VEGFC: variants seen among roughly 807,000 people sequenced by gnomAD.
VEGFC encodes the protein FLT4 ligand DHM.
A neutral mutation model predicts 46.1 loss-of-function variants in VEGFC; 12 were observed. The ratio of observed to expected loss-of-function variants is 0.26; its 90% CI spans 0.17 to 0.42. The LOEUF (loss-of-function observed/expected upper bound fraction) is 0.42, where lower values mean the gene tolerates loss of function less well. VEGFC is among the 10% of genes least tolerant of loss of function. The pLI, the probability that VEGFC is intolerant of heterozygous loss-of-function variation, is 1.00. For missense variants in VEGFC, 488 were observed against 529.4 expected, an observed-to-expected ratio of 0.92 and a Z score of 0.77; for synonymous variants, 232 against 195.5, an observed-to-expected ratio of 1.19 and a Z score of -1.56.
intron 1 of VEGFC, among the ~76,000 whole-genome samples, chr4:176,776,778 T>C (rs181653887): frequency 2.0e-5 from 3 of 152,332 alleles, no homozygotes; most frequent in Non-Finnish European, 4.4e-5. Context: ...ATTGTTAACA[T>C]TCATAAAGTT....
At chr4:176,740,396 TTATA>T (rs1216023071) in intron 1 of VEGFC, among the ~76,000 whole-genome samples, 1 of 118,158 alleles carries the variant, frequency 8.5e-6, no homozygotes, top group Non-Finnish European at 1.6e-5. Flanking sequence ...AACTATATAT[TTATA>T]TATAGTTATA....
chr4:176,740,065 A>C (rs1490630345), intron 1 of VEGFC, among the ~76,000 whole-genome samples: 1 of 118,744 alleles, frequency 8.4e-6, no homozygotes, highest in East Asian at 2.5e-4. Flanking sequence ...TAGAATATAT[A>C]TAACTATATA....
intron 1 of VEGFC, among the ~76,000 whole-genome samples, chr4:176,786,532 G>A (rs140208520): frequency 4.9e-4 from 75 of 152,244 alleles, no homozygotes; most frequent in African/African-American, 1.8e-3. Context: ...GCCAACAACT[G>A]GTGGTAACTC....
At chr4:176,749,056 C>T (rs694347) in intron 1 of VEGFC, among the ~76,000 whole-genome samples, 1,697 of 151,980 alleles carry the variant, frequency 0.011, 25 homozygotes, top group Middle Eastern at 0.099. Flanking sequence ...TAATCTCAAC[C>T]TAAACTTAGA....
intron 1 of VEGFC, among the ~76,000 whole-genome samples, chr4:176,732,018 C>G (rs1434143002): frequency 1.3e-5 from 2 of 151,620 alleles, no homozygotes; most frequent in Admixed American, 1.3e-4. Flanking sequence ...TATATTTATA[C>G]TCTTAGGCTG....
At chr4:176,789,634 T>C (rs2110959547) in intron 1 of VEGFC, among the ~76,000 whole-genome samples, 1 of 152,340 alleles carries the variant, frequency 6.6e-6, no homozygotes, top group South Asian at 2.1e-4. Context: ...TGCCTTACTT[T>C]TTTGACACTG....
chr4:176,689,775 A>G (rs1734115875), intron 4 of VEGFC: 1 of 152,228 alleles, frequency 6.6e-6, no homozygotes, highest in African/African-American at 2.4e-5. Flanking sequence ...TTTCTCATAC[A>G]GCATATACAC....
At chr4:176,705,513 T>G (rs1734518880) in intron 4 of VEGFC, among the ~76,000 whole-genome samples, 1 of 152,162 alleles carries the variant, frequency 6.6e-6, no homozygotes, top group Non-Finnish European at 1.5e-5. Flanking sequence ...GGGGAACACA[T>G]GGGTTTCAGA....
At chr4:176,744,537 G>T (rs183210710) in intron 1 of VEGFC, among the ~76,000 whole-genome samples, 31 of 152,058 alleles carry the variant, frequency 2.0e-4, no homozygotes, top group African/African-American at 7.0e-4. Flanking sequence ...GCCTGTTCCT[G>T]TATAGCCTTA....
chr4:176,742,335 G>A (rs770706638), intron 1 of VEGFC, among the ~76,000 whole-genome samples: 2 of 151,970 alleles, frequency 1.3e-5, no homozygotes, highest in Non-Finnish European at 2.9e-5. Flanking sequence ...GTCCCCCGCT[G>A]ATAGGAACTT....
intron 4 of VEGFC, among the ~76,000 whole-genome samples, chr4:176,706,687 A>T (rs1480677601): frequency 6.6e-6 from 1 of 151,598 alleles, no homozygotes; most frequent in Non-Finnish European, 1.5e-5. Flanking sequence ...TAAGCTACTT[A>T]AAAAATTGTA....
intron 4 of VEGFC, among the ~76,000 whole-genome samples, chr4:176,707,847 GT>G (rs2110995491): frequency 6.6e-6 from 1 of 152,252 alleles, no homozygotes; most frequent in African/African-American, 2.4e-5. Flanking sequence ...CATATACTGA[GT>G]GGTACCTATG....
At position 176,683,951 on chromosome 4, in the gene VEGFC, T is replaced by C. The variant is rs775320054; in HGVS notation, c.1235A>G (p.Tyr412Cys). 1 of 1,614,162 alleles carries C rather than the reference T, an allele frequency of 6.2e-7. No homozygotes were observed. The highest frequency in any genetic ancestry group is 1.1e-5 in the South Asian group (1 of 91,084). Residue 412 changes from tyrosine to cysteine, a missense_variant, in exon 7 of 7, where the codon TAT becomes TGT. By Grantham distance (194) the Tyr-to-Cys change is radical. Transcript: ENST00000618562. ...SEEVCRCVPS[Y>C]WKRPQMS ...TTAGCTCATTTGTGGTCTTTTCCAATATGAAGGGACACAACGACACACTTC... is the reference window on the plus strand; with the variant it reads ...TTAGCTCATTTGTGGTCTTTTCCAACATGAAGGGACACAACGACACACTTC...
intron 4 of VEGFC, among the ~76,000 whole-genome samples, chr4:176,705,457 A>T (rs1734516863): frequency 6.6e-6 from 1 of 152,228 alleles, no homozygotes; most frequent in Admixed American, 6.5e-5. Flanking sequence ...TGATATTGAG[A>T]CTTGAAAGTT....
intron 1 of VEGFC, among the ~76,000 whole-genome samples, chr4:176,788,025 T>C (rs1382957604): frequency 6.6e-6 from 1 of 152,170 alleles, no homozygotes; most frequent in African/African-American, 2.4e-5. Flanking sequence ...GGTGAAACAA[T>C]ATATGCTCAG....
In VEGFC at chr4:176,717,879, T is replaced by C. The variant is rs191700476; in HGVS notation, c.553-6229A>G. ...ATTTTGACTTAGCATTGCAACCACA[T>C]GGCCAGCTATAAAAGGCCTGTGGAA... On this transcript the variant is annotated intron_variant, in intron 3 of 6. Transcript: ENST00000618562. 3.9e-5 allele frequency among the ~76,000 whole-genome samples: 6 copies of C among 152,192 alleles called. No individual in the cohort carries two copies. In the East Asian group the frequency reaches 1.2e-3, roughly 29 times the overall value.
chr4:176,711,621 T>A lies in VEGFC; in HGVS notation c.582A>T (p.Gln194His), dbSNP rs1198705791. Residue 194 changes from glutamine (Q) to histidine (H), a missense_variant, in exon 4 of 7, where the codon CAA becomes CAT. Transcript: ENST00000618562. ...AACTGATTGTTACTGGTTTGGGGCC[T>A]TGAGAGAGAGGCACTGTAATTTCAA... ...TLFEITVPLS[Q>H]GPKPVTISFA... 1 of 1,613,544 alleles carries A rather than the reference T, an allele frequency of 6.2e-7. No homozygotes were observed. The highest frequency in any genetic ancestry group is 8.5e-7 in the Non-Finnish European group (1 of 1,179,668).
chr4:176,719,269 G>A (rs1485768), intron 3 of VEGFC, among the ~76,000 whole-genome samples: 109,783 of 152,124 alleles, frequency 0.72, 44,323 homozygotes, highest in East Asian at 0.94. Context: ...GCTACAAAAT[G>A]TGCCTGGAAC....
chr4:176,711,315 C>T (rs1734615661), intron 4 of VEGFC, among the ~76,000 whole-genome samples, 184 bp downstream of exon 4: 1 of 152,102 alleles, frequency 6.6e-6, no homozygotes, highest in Admixed American at 6.6e-5. Flanking sequence ...ATACGCTTCC[C>T]ACTGAATTTT....
Sources: allele counts gnomAD v4.1 joint callset (sites outside exome capture counted in the v4.1 genomes callset), GRCh38; gene constraint gnomAD v4.1.1; transcripts MANE v1.5; gene names NCBI Gene and HGNC (gene_info 2026-07-23, HGNC 2026-07-21).